Variants in PRKD1 observed in about 807,000 individuals in gnomAD.
The protein encoded by PRKD1 is serine/threonine-protein kinase D1.
In PRKD1, 63 loss-of-function variants were observed where a neutral mutation model predicts 95.9. The ratio of observed to expected loss-of-function variants is 0.66; its 90% CI spans 0.54 to 0.81. The LOEUF (loss-of-function observed/expected upper bound fraction) is 0.81. Among genes scored for constraint, PRKD1 ranks in the 30% least tolerant of loss-of-function variants. The pLI is 0.00. For missense variants in PRKD1, 1,048 were observed against 1,165.3 expected, an observed-to-expected ratio of 0.90 and a Z score of 1.47; for synonymous variants, 425 against 423.1, an observed-to-expected ratio of 1.00 and a Z score of -0.05.
intron 1 of PRKD1, among the ~76,000 whole-genome samples, chr14:29,839,932 C>T (rs1361236452): frequency 6.6e-6 from 1 of 152,092 alleles, no homozygotes; most frequent in African/African-American, 2.4e-5. Flanking sequence ...TCCTCCTGGG[C>T]CTCCGGGCCT....
chr14:29,798,920 C>G lies in PRKD1; in HGVS notation c.265-73246G>C, dbSNP rs572107688. 2.1e-4 allele frequency among the ~76,000 whole-genome samples: 32 copies of G among 152,238 alleles called. 1 individual carries two copies. The highest frequency in any genetic ancestry group is 6.8e-3 in the Middle Eastern group (2 of 294). On this transcript the variant is annotated intron_variant, in intron 1 of 17. Coordinates refer to ENST00000331968, the MANE Select transcript of PRKD1 (RefSeq NM_002742.3). ...CATCAGTAGTTGAGCTGTTCTACCC[C>G]CTCTGTCCTTGAGTTCTAATTTTGC...
intron 1 of PRKD1, among the ~76,000 whole-genome samples, chr14:29,921,923 G>GGA (rs1445638161): frequency 6.6e-6 from 1 of 152,126 alleles, no homozygotes; most frequent in East Asian, 1.9e-4. Context: ...CCCAGCCCAT[G>GGA]GACTACAAGG....
chr14:29,605,783 T>A (rs773429709), intron 13 of PRKD1, among the ~76,000 whole-genome samples: 1 of 152,236 alleles, frequency 6.6e-6, no homozygotes. Context: ...GTCTCCTTAC[T>A]TTTCATTAAG....
intron 16 of PRKD1, among the ~76,000 whole-genome samples, chr14:29,587,115 T>C (rs1446887461): frequency 6.6e-6 from 1 of 152,118 alleles, no homozygotes; most frequent in East Asian, 1.9e-4. Flanking sequence ...CTGAGATGAG[T>C]CTTTATTTGG....
intron 1 of PRKD1, among the ~76,000 whole-genome samples, chr14:29,822,644 G>T (rs1166915032): frequency 6.6e-6 from 1 of 152,088 alleles, no homozygotes; most frequent in East Asian, 1.9e-4. Context: ...CTAATGTTCT[G>T]CCCTTTACTT....
At chr14:29,731,808 G>A (rs1886449607) in intron 1 of PRKD1, among the ~76,000 whole-genome samples, 1 of 150,528 alleles carries the variant, frequency 6.6e-6, no homozygotes, top group South Asian at 2.1e-4. Flanking sequence ...TCTTTATAAA[G>A]TTGTTGTACA....
chr14:29,643,376 A>T (rs995530704), intron 4 of PRKD1, among the ~76,000 whole-genome samples: 1 of 152,200 alleles, frequency 6.6e-6, no homozygotes, highest in South Asian at 2.1e-4. Flanking sequence ...AAAATTATGA[A>T]GATCAATTTT....
intron 1 of PRKD1, among the ~76,000 whole-genome samples, chr14:29,767,393 T>C (rs1184695409): frequency 1.3e-5 from 2 of 152,198 alleles, no homozygotes; most frequent in African/African-American, 2.4e-5. Flanking sequence ...AGGATATTAA[T>C]ATTAATGCTT....
chr14:29,910,257 C>T (rs968371382), intron 1 of PRKD1, among the ~76,000 whole-genome samples: 2 of 151,996 alleles, frequency 1.3e-5, no homozygotes, highest in African/African-American at 2.4e-5. Flanking sequence ...CAACTCCAGA[C>T]GCGCCGCCTT....
At chr14:29,621,517 A>C (rs1037511244) in intron 13 of PRKD1, among the ~76,000 whole-genome samples, 3 of 151,876 alleles carry the variant, frequency 2.0e-5, no homozygotes, top group Admixed American at 1.3e-4. Flanking sequence ...AACATATTTT[A>C]AAATAATTGG....
chr14:29,635,915 C>T (rs2787101), intron 7 of PRKD1, among the ~76,000 whole-genome samples: 79,108 of 151,874 alleles, frequency 0.52, 21,579 homozygotes, highest in East Asian at 0.67. Context: ...GTAACAGGGG[C>T]CAGCTAATAA....
At chr14:29,620,629 C>G (rs934195294) in intron 13 of PRKD1, among the ~76,000 whole-genome samples, 1 of 151,146 alleles carries the variant, frequency 6.6e-6, no homozygotes, top group South Asian at 2.1e-4. Flanking sequence ...CAATGAGATA[C>G]CATCTCACAC....
intron 2 of PRKD1, among the ~76,000 whole-genome samples, chr14:29,714,192 G>A (rs867347793): frequency 2.2e-4 from 34 of 152,246 alleles, no homozygotes; most frequent in African/African-American, 7.5e-4. Flanking sequence ...GCTGTTTGGG[G>A]TACTAAGGTA....
chr14:29,852,347 C>A (rs1460669924), intron 1 of PRKD1, among the ~76,000 whole-genome samples: 1 of 151,862 alleles, frequency 6.6e-6, no homozygotes, highest in Non-Finnish European at 1.5e-5. Flanking sequence ...AAATAAAAAA[C>A]ACACTAGAGA....
chr14:29,868,229 C>T (rs1033238770), intron 1 of PRKD1, among the ~76,000 whole-genome samples: 12 of 152,076 alleles, frequency 7.9e-5, no homozygotes, highest in East Asian at 1.9e-4. Context: ...GAAAAACCCA[C>T]GCTGAAATTG....
intron 1 of PRKD1, among the ~76,000 whole-genome samples, chr14:29,732,660 T>C (rs1023468408): frequency 6.6e-6 from 1 of 152,200 alleles, no homozygotes; most frequent in Non-Finnish European, 1.5e-5. Flanking sequence ...GCAAACACTT[T>C]TCTCAGATTT....
intron 17 of PRKD1, among the ~76,000 whole-genome samples, chr14:29,578,064 G>A (rs373131364): frequency 6.6e-6 from 1 of 151,956 alleles, no homozygotes; most frequent in Non-Finnish European, 1.5e-5. Flanking sequence ...ATGCGTGCGT[G>A]TATCTCTTCT....
chr14:29,619,297 G>C (rs1272162695), intron 13 of PRKD1, among the ~76,000 whole-genome samples: 1 of 152,070 alleles, frequency 6.6e-6, no homozygotes, highest in Non-Finnish European at 1.5e-5. Context: ...ATGACACAAT[G>C]AGGGTTTTTG....
intron 1 of PRKD1, among the ~76,000 whole-genome samples, chr14:29,780,860 T>C (rs1336611037): frequency 1.3e-5 from 2 of 152,114 alleles, no homozygotes; most frequent in Non-Finnish European, 1.5e-5. Flanking sequence ...TCCAGCACTA[T>C]TCACAATAGC....
Sources: allele counts gnomAD v4.1 joint callset (sites outside exome capture counted in the v4.1 genomes callset), GRCh38; gene constraint gnomAD v4.1.1; transcripts MANE v1.5; gene names NCBI Gene and HGNC (gene_info 2026-07-23, HGNC 2026-07-21).